The following EXOSC3 variants were observed in gnomAD, a reference collection of about 807,000 sequenced individuals.
EXOSC3 encodes the protein exosome component 3.
A neutral mutation model predicts 25.1 loss-of-function variants in EXOSC3; 18 were observed. That is an observed-to-expected ratio of 0.72 (90% CI 0.50 to 1.06). The LOEUF is 1.06. EXOSC3 is among the 50% of genes least tolerant of loss of function. EXOSC3 has a pLI of 0.00. For missense variants in EXOSC3, 382 were observed against 350.9 expected, an observed-to-expected ratio of 1.09 and a Z score of -0.71; for synonymous variants, 165 against 132.2, an observed-to-expected ratio of 1.25 and a Z score of -1.70.
At chr9:37,780,946 AG>A in intron 3 of EXOSC3, 66 bp from the exon 4 acceptor site, 1 of 1,371,704 alleles carries the variant, frequency 7.3e-7, no homozygotes, top group South Asian at 1.3e-5. Flanking sequence ...AGTCTCCTTT[AG>A]AATGTGATTC....
At chr9:37,782,958 A>G (rs1828626906) in intron 2 of EXOSC3, among the ~76,000 whole-genome samples, 1 of 152,220 alleles carries the variant, frequency 6.6e-6, no homozygotes, top group Non-Finnish European at 1.5e-5. Context: ...AGAGGTGGTC[A>G]TGTTTAGCCT....
chr9:37,781,981 C>T lies in EXOSC3; in HGVS notation c.626+5G>A, dbSNP rs2118977492. The T allele has an allele frequency of 1.2e-6, 2 of 1,612,254 alleles. No individual in the cohort carries two copies. The highest frequency in any genetic ancestry group is 1.7e-6 in the Non-Finnish European group (2 of 1,179,568). ...GCAGTCAAGCCAGCAGACATCAGGA[C>T]TTACTTTCTAATTAAGCCCAGAGTC... On this transcript the variant is annotated splice_donor_5th_base_variant and intron_variant, in intron 3 of 3. Coordinates refer to ENST00000327304, the MANE Select transcript of EXOSC3 (RefSeq NM_016042.4).
intron 2 of EXOSC3, 60 bp from the exon 3 acceptor site, chr9:37,782,197 G>C: frequency 6.3e-7 from 1 of 1,580,420 alleles, no homozygotes; most frequent in Admixed American, 1.7e-5. Context: ...GCTACTATTG[G>C]TTCTTTCTCA....
At chr9:37,783,397 T>C (rs888314391) in intron 2 of EXOSC3, among the ~76,000 whole-genome samples, 1 of 152,048 alleles carries the variant, frequency 6.6e-6, no homozygotes, top group African/African-American at 2.4e-5. Context: ...GCATGAGAAG[T>C]GAATGAGAAG....
chr9:37,784,608 A>C, intron 1 of EXOSC3, 113 bp downstream of exon 1: 5 of 1,195,362 alleles, frequency 4.2e-6, no homozygotes, highest in Non-Finnish European at 5.7e-6. Flanking sequence ...CGGTGGCTCT[A>C]GGTTTGCCTG....
Position 37,780,625 on chromosome 9 carries a change from T to C in EXOSC3, c.*54A>G. Reference sequence around the variant, plus strand: ...AGTATTTAAATGGGGGAGGTTCACCTGAAAAAACCCATAGTTTTTTGCCTC... The same window carrying C: ...AGTATTTAAATGGGGGAGGTTCACCCGAAAAAACCCATAGTTTTTTGCCTC... On this transcript the variant is annotated 3_prime_UTR_variant, in exon 4 of 4. Transcript: ENST00000327304. 6.9e-7 allele frequency: 1 copy of C among 1,455,332 alleles called. No individual in the cohort carries two copies. Among genetic ancestry groups the C allele is most frequent in the Non-Finnish European group, 9.6e-7 (1 of 1,043,428 alleles). The allele number at this position is 1,455,332 out of a possible 1,614,324, so 90.2% of individuals were successfully genotyped here. A position where few individuals can be genotyped will look rare whatever the true frequency, so the allele number is the denominator to read the frequency against.
intron 2 of EXOSC3, 55 bp downstream of exon 2, chr9:37,783,859 A>C (rs1444048649): frequency 6.4e-7 from 1 of 1,563,470 alleles, no homozygotes; most frequent in Admixed American, 1.9e-5. Flanking sequence ...TGGATATGTG[A>C]GTGTTCTAGG....
intron 1 of EXOSC3, 171 bp from the exon 2 acceptor site, chr9:37,784,234 G>C: frequency 3.2e-6 from 2 of 632,402 alleles, no homozygotes; most frequent in Admixed American, 6.6e-5. Context: ...GCAGCTTCTG[G>C]TAGTCTGTTA....
rs573975449 is a variant in EXOSC3 at position 37,783,967 on chromosome 9, A to G, written c.421T>C (p.Leu141=). 5.6e-6 allele frequency: 9 copies of G among 1,613,800 alleles called. No individual in the cohort carries two copies. The South Asian group carries it at 9.9e-5, about 18-fold the overall frequency. The part of the protein sequence containing the change: ...VDVGGSEPAS[L]SYLSFEGATK... ...GCACCTTCAAATGACAAGTAAGACA[A>G]AGAAGCTGGCTCACTCCCTCCAACA... Residue 141 remains leucine, a synonymous_variant, in exon 2 of 4, where the codon TTG becomes CTG. Transcript: ENST00000327304.
chr9:37,782,067 T>A lies in EXOSC3; in HGVS notation c.545A>T (p.Asp182Val). The change falls in exon 3 of 4, where the codon GAC (aspartate) becomes GTC (valine). Residue 182 changes from aspartate (D) to valine (V), a missense_variant. Transcript: ENST00000327304. ...CATTCCATTGGCTCGTCCACAGCTG[T>A]CAATACAGACCATCTCTGGTTCCAT... ...KDMEPEMVCI[D>V]SCGRANGMGV... 1 of 1,614,180 alleles carries A rather than the reference T, an allele frequency of 6.2e-7. No individual in the cohort carries two copies. Among genetic ancestry groups the A allele is most frequent in the Non-Finnish European group, 8.5e-7 (1 of 1,179,996 alleles).
intron 2 of EXOSC3, among the ~76,000 whole-genome samples, chr9:37,782,498 G>A (rs567073296): frequency 2.0e-5 from 3 of 152,212 alleles, no homozygotes; most frequent in Non-Finnish European, 4.4e-5. Context: ...GTGCTCAACA[G>A]CTAGTGGCTA....
At position 37,784,079 on chromosome 9, in the gene EXOSC3, G is replaced by A. The variant is rs756503706; in HGVS notation, c.325-16C>T. On this transcript the variant is annotated splice_polypyrimidine_tract_variant and intron_variant, in intron 1 of 3. Coordinates refer to ENST00000327304, the MANE Select transcript of EXOSC3 (RefSeq NM_016042.4). ...CTGGAACATACTACAAAAAGAAACA[G>A]AATGAAAAAACAGCCATAAATGACA... 1.9e-6 allele frequency: 3 copies of A among 1,593,774 alleles called. No homozygotes were observed. Among genetic ancestry groups the A allele is most frequent in the Non-Finnish European group, 2.6e-6 (3 of 1,171,790 alleles).
rs761749070 is a variant in EXOSC3, at chr9:37,784,081, AT to A, written c.325-19del. Reference sequence around the variant, plus strand: ...GGAACATACTACAAAAAGAAACAGAATGAAAAAACAGCCATAAATGACAAGA... The same window carrying A: ...GGAACATACTACAAAAAGAAACAGAAGAAAAAACAGCCATAAATGACAAGA... On this transcript the variant is annotated intron_variant, in intron 1 of 3. Transcript: ENST00000327304. 1 of 1,599,046 alleles carries A rather than the reference AT, an allele frequency of 6.3e-7. No homozygotes were observed.
At position 37,784,846 on chromosome 9, in the gene EXOSC3, A is replaced by C; in HGVS notation, c.199T>G (p.Cys67Gly). The change falls in exon 1 of 4, where the codon TGC becomes GGC. Residue 67 changes from cysteine (C) to glycine (G), a missense_variant. Transcript: ENST00000327304. ...CCACAGCGCCGAAGGCCCGGACCGC[A>C]TACAACGCGCACCCGCGAGCACGCT... ...ARACSRVRVV[C>G]GPGLRRCGDR... The C allele has an allele frequency of 6.2e-7, 1 of 1,608,780 alleles. No individual in the cohort carries two copies.
chr9:37,783,255 G>A (rs1237952077), intron 2 of EXOSC3, among the ~76,000 whole-genome samples: 6 of 152,198 alleles, frequency 3.9e-5, no homozygotes, highest in Non-Finnish European at 8.8e-5. Context: ...TGGAGGCAGG[G>A]ATTAATGAAG....
chr9:37,783,669 A>G (rs1044882385), intron 2 of EXOSC3, among the ~76,000 whole-genome samples: 1 of 152,214 alleles, frequency 6.6e-6, no homozygotes, highest in African/African-American at 2.4e-5. Context: ...AACTCAGTAG[A>G]AATGAAACAT....
chr9:37,780,605 T>C lies in EXOSC3; in HGVS notation c.*74A>G. The C allele has an allele frequency of 1.7e-6, 2 of 1,172,854 alleles. No homozygotes were observed. Among genetic ancestry groups the C allele is most frequent in the Non-Finnish European group, 2.5e-6 (2 of 793,762 alleles). The allele number at this position is 1,172,854 out of a possible 1,614,324, so 72.7% of individuals were successfully genotyped here. On this transcript the variant is annotated 3_prime_UTR_variant, in exon 4 of 4. Transcript: ENST00000327304. ...CATTCACACCTTATCTTCTGAGTATTTAAATGGGGGAGGTTCACCTGAAAA... is the reference window on the plus strand; with the variant it reads ...CATTCACACCTTATCTTCTGAGTATCTAAATGGGGGAGGTTCACCTGAAAA...
upstream of EXOSC3, chr9:37,785,091 GC>G: frequency 6.5e-7 from 1 of 1,538,188 alleles, no homozygotes; most frequent in Non-Finnish European, 8.8e-7. Flanking sequence ...TTCCGCTTCC[GC>G]TCCGCTTCCA....
chr9:37,782,142 AATG>A lies in EXOSC3; in HGVS notation c.475-8_475-6del, dbSNP rs1446396145. The stretch of plus-strand genomic sequence containing the variant: ...GCCATAGATGAGATCTCCAACCTAC[AATG>A]ATATTAAAAACCAGTTCATTTCCTC... On this transcript the variant is annotated splice_region_variant and splice_polypyrimidine_tract_variant and intron_variant, in intron 2 of 3. Coordinates refer to ENST00000327304, the MANE Select transcript of EXOSC3 (RefSeq NM_016042.4). 7 of 1,613,300 alleles carry A rather than the reference AATG, an allele frequency of 4.3e-6. No homozygotes were observed. In the African/African-American group the frequency reaches 6.7e-5, roughly 15 times the overall value.
Sources: allele counts gnomAD v4.1 joint callset (sites outside exome capture counted in the v4.1 genomes callset), GRCh38; gene constraint gnomAD v4.1.1; transcripts MANE v1.5; gene names NCBI Gene and HGNC (gene_info 2026-07-23, HGNC 2026-07-21).